The following PPP1R12A variants were observed in gnomAD, a reference collection of about 807,000 sequenced individuals.
PPP1R12A encodes protein phosphatase 1 regulatory subunit 12A, also known as myosin binding subunit.
A neutral mutation model predicts 139.6 loss-of-function variants in PPP1R12A; 19 were observed. That is an observed-to-expected ratio of 0.14 (90% CI 0.09 to 0.20). PPP1R12A has a LOEUF of 0.20. PPP1R12A is among the 10% of genes least tolerant of loss of function. PPP1R12A has a pLI of 1.00. For missense variants in PPP1R12A, 925 were observed against 1,211.5 expected (o/e 0.76, Z 3.51); for synonymous variants, 427 against 420.6 (o/e 1.02, Z -0.19).
chr12:79,925,813 T>C, intron 1 of PPP1R12A, among the ~76,000 whole-genome samples: 1 of 152,104 alleles, frequency 6.6e-6, no homozygotes, highest in Non-Finnish European at 1.5e-5. Flanking sequence ...AATACTGACA[T>C]AGAGGGAGCC....
chr12:79,922,623 T>C (rs1887524819), intron 1 of PPP1R12A, among the ~76,000 whole-genome samples: 1 of 152,034 alleles, frequency 6.6e-6, no homozygotes, highest in South Asian at 2.1e-4. Flanking sequence ...CACTCATAAG[T>C]GGAAGTTGAA....
chr12:79,843,710 T>A (rs1879049280), intron 3 of PPP1R12A, among the ~76,000 whole-genome samples: 2 of 142,002 alleles, frequency 1.4e-5, no homozygotes, highest in East Asian at 4.0e-4. Flanking sequence ...TGCTGGATCA[T>A]TTTTTTTTTT....
intron 2 of PPP1R12A, among the ~76,000 whole-genome samples, chr12:79,868,853 G>A (rs1011865749): frequency 6.6e-6 from 1 of 152,056 alleles, no homozygotes. Context: ...AAAGAATGAT[G>A]TTAATGCATA....
At chr12:79,875,144 T>A (rs546392243) in intron 1 of PPP1R12A, among the ~76,000 whole-genome samples, 4 of 152,364 alleles carry the variant, frequency 2.6e-5, no homozygotes, top group African/African-American at 9.6e-5. Context: ...TAGGGATATA[T>A]CTGTATGTGA....
chr12:79,778,538 T>A lies in PPP1R12A; in HGVS notation c.3006+12A>T. 6.7e-7 allele frequency: 1 copy of A among 1,498,112 alleles called. No homozygotes were observed. Among genetic ancestry groups the A allele is most frequent in the South Asian group, 1.3e-5 (1 of 79,716 alleles). 92.8% of individuals were successfully genotyped at this position (1,498,112 alleles called of 1,614,324 possible). ...ACAGCACTCTCTCTCATAAGTAACA[T>A]AGTTTACTTACTTTGAGCTCTTCTT... On this transcript the variant is annotated intron_variant, in intron 24 of 24. Transcript: ENST00000450142.
rs544364328 is a variant in PPP1R12A, at chr12:79,843,945, T to C, written c.487+1357A>G. 5.4e-3 allele frequency among the ~76,000 whole-genome samples: 823 copies of C among 152,168 alleles called. 5 individuals carry two copies. Among genetic ancestry groups the C allele is most frequent in the African/African-American group, 0.019 (782 of 41,538 alleles). Reference sequence around the variant, plus strand: ...GTCTCAAGCTCCTGACCTCGTGATCTGCCCGCCTTGGCCTCCCAAAGTGCT... The same window carrying C: ...GTCTCAAGCTCCTGACCTCGTGATCCGCCCGCCTTGGCCTCCCAAAGTGCT... On this transcript the variant is annotated intron_variant, in intron 3 of 24. Coordinates refer to ENST00000450142, the MANE Select transcript of PPP1R12A (RefSeq NM_002480.3).
intron 20 of PPP1R12A, among the ~76,000 whole-genome samples, chr12:79,789,954 ATTT>A (rs1302331162): frequency 6.9e-6 from 1 of 144,082 alleles, no homozygotes. Context: ...TAATTAAGAA[ATTT>A]TTTTTTTTTT....
intron 9 of PPP1R12A, among the ~76,000 whole-genome samples, chr12:79,817,162 A>C (rs1178554417): frequency 6.6e-6 from 1 of 152,204 alleles, no homozygotes; most frequent in African/African-American, 2.4e-5. Context: ...TGTATGTAAT[A>C]TTTGTTAACT....
At chr12:79,863,436 CATA>C (rs1275095411) in intron 2 of PPP1R12A, among the ~76,000 whole-genome samples, 4 of 152,200 alleles carry the variant, frequency 2.6e-5, no homozygotes, top group South Asian at 4.1e-4. Flanking sequence ...CAGCTGGCAT[CATA>C]ATGACAGGAT....
chr12:79,855,171 G>A (rs1880496854), intron 2 of PPP1R12A, among the ~76,000 whole-genome samples: 1 of 151,900 alleles, frequency 6.6e-6, no homozygotes, highest in Non-Finnish European at 1.5e-5. Flanking sequence ...TGTATTTTTA[G>A]TAAAGACGGG....
chr12:79,799,139 CTTTT>C (rs920138597), intron 14 of PPP1R12A, among the ~76,000 whole-genome samples: 1 of 151,746 alleles, frequency 6.6e-6, no homozygotes, highest in Non-Finnish European at 1.5e-5. Context: ...CTTTCTAAAT[CTTTT>C]TTTTGTTTGT....
intron 4 of PPP1R12A, among the ~76,000 whole-genome samples, chr12:79,831,984 G>A (rs1877488165): frequency 6.6e-6 from 1 of 152,116 alleles, no homozygotes; most frequent in Admixed American, 6.5e-5. Flanking sequence ...ATGTTCACAG[G>A]ACATTGTTCT....
intron 3 of PPP1R12A, among the ~76,000 whole-genome samples, chr12:79,844,383 G>T (rs1879139994): frequency 6.6e-6 from 1 of 152,064 alleles, no homozygotes; most frequent in African/African-American, 2.4e-5. Context: ...TCTCAGATAG[G>T]AACTTCATCC....
At chr12:79,869,579 C>T (rs184777610) in intron 2 of PPP1R12A, among the ~76,000 whole-genome samples, 37 of 152,160 alleles carry the variant, frequency 2.4e-4, no homozygotes, top group African/African-American at 8.7e-4. Context: ...TCAAGTAATG[C>T]AACAGCAGGC....
rs1476007990 is a variant in PPP1R12A at position 79,934,755 on chromosome 12, C to A, written c.177G>T (p.Leu59=). 6.4e-7 allele frequency: 1 copy of A among 1,551,704 alleles called. No homozygotes were observed. Among genetic ancestry groups the A allele is most frequent in the African/African-American group, 1.4e-5 (1 of 73,204 alleles). The part of the protein sequence containing the change: ...SSGDTDEVLK[L]LHRGADINYA... ...AATTGATGTCGGCGCCGCGGTGCAG[C>A]AGCTTGAGGACCTCGTCCGTGTCGC... Residue 59 remains leucine, a synonymous_variant, in exon 1 of 25, where the codon CTG becomes CTT. Transcript: ENST00000450142.
intron 1 of PPP1R12A, among the ~76,000 whole-genome samples, chr12:79,904,719 C>T (rs1270279611): frequency 6.6e-6 from 1 of 152,136 alleles, no homozygotes; most frequent in Non-Finnish European, 1.5e-5. Context: ...GCTTAATATA[C>T]GTGAAAGCAT....
In PPP1R12A at chr12:79,828,098, T is replaced by C. The variant is rs1392175013; in HGVS notation, c.792+222A>G. ...ATCTGATTACTGAAAGAGCAATACT[T>C]CTTTCTTTGCAGTACAAGGCCAGAA... On this transcript the variant is annotated intron_variant, in intron 5 of 24. Transcript: ENST00000450142. 1.6e-5 allele frequency: 5 copies of C among 309,682 alleles called. No homozygotes were observed. The East Asian group carries it at 2.7e-4, about 17-fold the overall frequency. The allele number at this position is 309,682 out of a possible 1,614,324, so 19.2% of individuals were successfully genotyped here. A position where few individuals can be genotyped will look rare whatever the true frequency, so the allele number is the denominator to read the frequency against.
intron 1 of PPP1R12A, among the ~76,000 whole-genome samples, chr12:79,875,907 CTA>C (rs1883055096): frequency 6.6e-6 from 1 of 152,142 alleles, no homozygotes; most frequent in African/African-American, 2.4e-5. Flanking sequence ...GGAAAAAAAA[CTA>C]TTTTCTAGGA....
intron 3 of PPP1R12A, among the ~76,000 whole-genome samples, chr12:79,834,932 T>C (rs1011031959): frequency 7.2e-5 from 11 of 152,178 alleles, no homozygotes; most frequent in Non-Finnish European, 1.5e-4. Context: ...TTGTGTCAAC[T>C]TAACTGGATT....
Sources: gnomAD v4.1 joint callset for allele counts (sites outside exome capture counted in the v4.1 genomes callset) on GRCh38, gnomAD v4.1.1 for gene constraint, MANE v1.5 for transcripts, NCBI Gene and HGNC (gene_info 2026-07-23, HGNC 2026-07-21) for gene names.